Variants in GREM2 observed in about 807,000 individuals in gnomAD.
GREM2 encodes gremlin-2.
In GREM2, 11 loss-of-function variants were observed where a neutral mutation model predicts 14.2. The ratio of observed to expected loss-of-function variants is 0.78; its 90% CI spans 0.49 to 1.28. The LOEUF (loss-of-function observed/expected upper bound fraction) is 1.28, where lower values mean the gene tolerates loss of function less well. Ranked by LOEUF, GREM2 falls within the 50% of genes most tolerant of loss-of-function variation. The pLI is 0.00. For synonymous variants in GREM2, 98 were observed against 97.6 expected (o/e 1.00, Z -0.02); for missense variants, 210 against 218.5 (o/e 0.96, Z 0.24).
chr1:240,563,099 ATG>A (rs1293654582), intron 1 of GREM2, among the ~76,000 whole-genome samples: 2 of 138,630 alleles, frequency 1.4e-5, no homozygotes, highest in Admixed American at 7.1e-5. Context: ...GTATGCGTGT[ATG>A]TGTGTATGTG....
rs569466942 is a variant in GREM2, at chr1:240,602,849, G to T, written c.-2+9035C>A. On this transcript the variant is annotated intron_variant, in intron 1 of 1. Coordinates refer to ENST00000318160, the MANE Select transcript of GREM2 (RefSeq NM_022469.4). The stretch of plus-strand genomic sequence containing the variant: ...AGCACTTTGGGAGGCCGAGGCAGGC[G>T]GATCACGAGGTCAGGAGATCGAGAC... Among the ~76,000 whole-genome samples the T allele has an allele frequency of 2.6e-5, 4 of 151,726 alleles. No individual in the cohort carries two copies. In the South Asian group the frequency reaches 8.3e-4, roughly 32 times the overall value.
chr1:240,536,923 A>T (rs144226449), intron 1 of GREM2, among the ~76,000 whole-genome samples: 123 of 152,352 alleles, frequency 8.1e-4, no homozygotes, highest in African/African-American at 2.4e-3. Flanking sequence ...GTACCACAGA[A>T]TCCAAGCAAA....
intron 1 of GREM2, among the ~76,000 whole-genome samples, chr1:240,551,384 T>C (rs766240341): frequency 4.6e-5 from 7 of 152,348 alleles, no homozygotes; most frequent in Non-Finnish European, 8.8e-5. Context: ...AGTCTTGCTC[T>C]GTCACCCAGG....
intron 1 of GREM2, among the ~76,000 whole-genome samples, chr1:240,508,313 C>T (rs772490340): frequency 6.6e-6 from 1 of 152,220 alleles, no homozygotes; most frequent in Admixed American, 6.5e-5. Context: ...CATATTCAAA[C>T]AGCCAGAATA....
At chr1:240,523,558 G>T (rs902605280) in intron 1 of GREM2, among the ~76,000 whole-genome samples, 11 of 151,338 alleles carry the variant, frequency 7.3e-5, no homozygotes, top group African/African-American at 2.2e-4. Context: ...GTTTTTTTTT[G>T]TTGTTGTTGT....
At chr1:240,578,247 T>G (rs933203340) in intron 1 of GREM2, among the ~76,000 whole-genome samples, 1 of 152,082 alleles carries the variant, frequency 6.6e-6, no homozygotes, top group Non-Finnish European at 1.5e-5. Flanking sequence ...TGCCTCAGCC[T>G]TCCGAGTAGC....
At chr1:240,532,624 T>G (rs1352720448) in intron 1 of GREM2, among the ~76,000 whole-genome samples, 10 of 150,702 alleles carry the variant, frequency 6.6e-5, no homozygotes, top group Non-Finnish European at 4.4e-5. Context: ...AATAACCACT[T>G]TATATAAGAG....
intron 1 of GREM2, among the ~76,000 whole-genome samples, chr1:240,568,842 A>G (rs920708888): frequency 6.6e-6 from 1 of 152,208 alleles, no homozygotes; most frequent in African/African-American, 2.4e-5. Context: ...AGGTCAATAT[A>G]TAAACATAAT....
intron 1 of GREM2, among the ~76,000 whole-genome samples, chr1:240,566,599 T>A (rs1679180087): frequency 6.6e-6 from 1 of 152,134 alleles, no homozygotes; most frequent in African/African-American, 2.4e-5. Context: ...CCTCTGGGAT[T>A]CGGCTGAATC....
At chr1:240,573,576 G>A (rs181682023) in intron 1 of GREM2, among the ~76,000 whole-genome samples, 5 of 152,306 alleles carry the variant, frequency 3.3e-5, no homozygotes, top group Admixed American at 3.3e-4. Flanking sequence ...GAGGCGCTCT[G>A]GTCTTGCCCT....
At chr1:240,588,541 G>A (rs1467558145) in intron 1 of GREM2, 1 of 152,138 alleles carries the variant, frequency 6.6e-6, no homozygotes, top group Non-Finnish European at 1.5e-5. Context: ...CAGGAAAGCA[G>A]GCCAGCTAAG....
intron 1 of GREM2, among the ~76,000 whole-genome samples, chr1:240,608,910 G>C (rs1157749163): frequency 2.6e-5 from 4 of 152,078 alleles, no homozygotes; most frequent in African/African-American, 9.7e-5. Context: ...CACTTTTTCA[G>C]AGTTTGCATG....
chr1:240,527,405 C>A (rs1678248781), intron 1 of GREM2, among the ~76,000 whole-genome samples: 1 of 152,138 alleles, frequency 6.6e-6, no homozygotes, highest in South Asian at 2.1e-4. Flanking sequence ...ATTTTAGTGT[C>A]TTTGCTTTTG....
At chr1:240,527,646 CA>C (rs557762578) in intron 1 of GREM2, among the ~76,000 whole-genome samples, 192 of 152,280 alleles carry the variant, frequency 1.3e-3, no homozygotes, top group African/African-American at 4.5e-3. Context: ...TTAGCTGAAA[CA>C]AATTCTCATT....
chr1:240,537,709 CAG>C (rs1678503486), intron 1 of GREM2, among the ~76,000 whole-genome samples: 1 of 152,110 alleles, frequency 6.6e-6, no homozygotes, highest in Non-Finnish European at 1.5e-5. Context: ...CACTTGAATC[CAG>C]GAGGCGGAGG....
intron 1 of GREM2, among the ~76,000 whole-genome samples, chr1:240,541,154 T>A (rs1300932291): frequency 6.6e-6 from 1 of 152,228 alleles, no homozygotes; most frequent in African/African-American, 2.4e-5. Flanking sequence ...TAACTGCAGG[T>A]TGCCTTTTCA....
rs188927083 is a variant in GREM2 at position 240,590,994 on chromosome 1, C to A, written c.-2+20890G>T. 1.2e-3 allele frequency among the ~76,000 whole-genome samples: 187 copies of A among 151,210 alleles called. 1 individual carries two copies. The highest frequency in any genetic ancestry group is 3.5e-3 in the Middle Eastern group (1 of 286). ...AAGGGGTTTCACCAGGTTGGCCAGG[C>A]TGGTCTCAAATGCCTGACCTCATGA... On this transcript the variant is annotated intron_variant, in intron 1 of 1. Coordinates refer to ENST00000318160, the MANE Select transcript of GREM2 (RefSeq NM_022469.4).
chr1:240,603,519 C>T (rs1679968685), intron 1 of GREM2, among the ~76,000 whole-genome samples: 1 of 152,198 alleles, frequency 6.6e-6, no homozygotes, highest in African/African-American at 2.4e-5. Flanking sequence ...ATCTCCCATC[C>T]ATCTCCCCCT....
chr1:240,585,816 G>A (rs936116358), intron 1 of GREM2, among the ~76,000 whole-genome samples: 2 of 150,994 alleles, frequency 1.3e-5, no homozygotes, highest in Admixed American at 6.6e-5. Context: ...GAGACATGAT[G>A]GTAACCTACT....
Sources: allele counts gnomAD v4.1 joint callset (sites outside exome capture counted in the v4.1 genomes callset), GRCh38; gene constraint gnomAD v4.1.1; transcripts MANE v1.5; gene names NCBI Gene and HGNC (gene_info 2026-07-23, HGNC 2026-07-21).